The following IER3IP1 variants were observed in gnomAD, a reference collection of about 807,000 sequenced individuals.
IER3IP1 encodes the protein immediate early response 3-interacting protein 1.
IER3IP1 carries 16 observed loss-of-function variants against 12.2 expected under a neutral mutation model. The ratio of observed to expected loss-of-function variants is 1.31; its 90% confidence interval spans 0.89 to 1.99. The LOEUF is 1.99. Among genes scored for constraint, IER3IP1 ranks in the 30% most tolerant of loss-of-function variants. The pLI is 0.00. For synonymous variants in IER3IP1, 42 were observed against 40.0 expected (o/e 1.05, Z -0.19); for missense variants, 95 against 95.8 (o/e 0.99, Z 0.03).
In IER3IP1 at chr18:47,168,689, G is replaced by T. The variant is rs184373176; in HGVS notation, c.91+7498C>A. On this transcript the variant is annotated intron_variant, in intron 1 of 2. Coordinates refer to ENST00000256433, the MANE Select transcript of IER3IP1 (RefSeq NM_016097.5). ...ATTTTCATTATGATTATGCTGCTAT[G>T]AACATTCTCATACATGTCTTTTGGT... Among the ~76,000 whole-genome samples, 5 of 152,230 alleles carry T rather than the reference G, an allele frequency of 3.3e-5. 1 individual carries two copies. The highest frequency in any genetic ancestry group is 1.2e-4 in the African/African-American group (5 of 41,530).
At chr18:47,169,093 G>A (rs1466047433) in intron 1 of IER3IP1, among the ~76,000 whole-genome samples, 2 of 152,146 alleles carry the variant, frequency 1.3e-5, no homozygotes, top group East Asian at 3.9e-4. Context: ...AGGCCCTCCA[G>A]CACCAAGCAA....
chr18:47,170,662 T>G (rs557999064), intron 1 of IER3IP1, among the ~76,000 whole-genome samples: 44 of 152,246 alleles, frequency 2.9e-4, no homozygotes, highest in African/African-American at 1.0e-3. Flanking sequence ...GTAAATAAAA[T>G]TATTTCCTTT....
At chr18:47,168,866 T>C (rs1031669385) in intron 1 of IER3IP1, among the ~76,000 whole-genome samples, 3 of 152,216 alleles carry the variant, frequency 2.0e-5, no homozygotes, top group African/African-American at 7.2e-5. Flanking sequence ...CACTGTTCTA[T>C]AACCTTATCA....
chr18:47,174,527 G>C (rs1318264417), intron 1 of IER3IP1, among the ~76,000 whole-genome samples: 2 of 152,104 alleles, frequency 1.3e-5, no homozygotes, highest in East Asian at 3.9e-4. Flanking sequence ...AAATTAGCCA[G>C]GCTTGGTGGT....
intron 1 of IER3IP1, 126 bp downstream of exon 1, chr18:47,176,061 C>T: frequency 1.2e-6 from 1 of 820,068 alleles, no homozygotes; most frequent in Non-Finnish European, 2.0e-6. Flanking sequence ...TCGGCTTCCA[C>T]TCCAAGCCGA....
At position 47,158,674 on chromosome 18, in the gene IER3IP1, T is replaced by C. The variant is rs952138506; in HGVS notation, c.92-1137A>G. On this transcript the variant is annotated intron_variant, in intron 1 of 2. Transcript: ENST00000256433. ...AAAGGGGAGTTATCTTTTAAAGAAT[T>C]TGGGGGCTGGGCATGGTGACTCACG... Among the ~76,000 whole-genome samples, 8 of 151,624 alleles carry C rather than the reference T, an allele frequency of 5.3e-5. No individual in the cohort carries two copies. In the South Asian group the frequency reaches 1.7e-3, roughly 32 times the overall value.
At chr18:47,173,520 T>G (rs2064021786) in intron 1 of IER3IP1, among the ~76,000 whole-genome samples, 1 of 152,262 alleles carries the variant, frequency 6.6e-6, no homozygotes, top group African/African-American at 2.4e-5. Context: ...AATTTCTGTA[T>G]TTTTAGTAGA....
At chr18:47,159,912 T>G (rs138915122) in intron 1 of IER3IP1, among the ~76,000 whole-genome samples, 1 of 152,162 alleles carries the variant, frequency 6.6e-6, no homozygotes, top group Admixed American at 6.5e-5. Flanking sequence ...GTTCCCATCC[T>G]TGGCCGGGCG....
chr18:47,164,546 C>T (rs72907298), intron 1 of IER3IP1, among the ~76,000 whole-genome samples: 1,810 of 151,440 alleles, frequency 0.012, 21 homozygotes, highest in Non-Finnish European at 0.019. Flanking sequence ...GTGGTTCACA[C>T]CTACAATTCC....
chr18:47,167,548 A>G (rs2064000033), intron 1 of IER3IP1, among the ~76,000 whole-genome samples: 1 of 152,326 alleles, frequency 6.6e-6, no homozygotes, highest in South Asian at 2.1e-4. Flanking sequence ...TATTGGAACA[A>G]TGGCTTTAAA....
At chr18:47,165,987 C>T (rs545792766) in intron 1 of IER3IP1, among the ~76,000 whole-genome samples, 1 of 152,214 alleles carries the variant, frequency 6.6e-6, no homozygotes, top group Non-Finnish European at 1.5e-5. Flanking sequence ...GTGTTCATAA[C>T]ATATACCTAG....
intron 1 of IER3IP1, among the ~76,000 whole-genome samples, chr18:47,160,282 G>A (rs1048527969): frequency 6.6e-6 from 1 of 151,930 alleles, no homozygotes; most frequent in African/African-American, 2.4e-5. Flanking sequence ...CACTTATATA[G>A]AGACCACAAA....
intron 1 of IER3IP1, among the ~76,000 whole-genome samples, chr18:47,161,362 C>T (rs1052586169): frequency 3.3e-5 from 5 of 152,184 alleles, no homozygotes; most frequent in Admixed American, 3.3e-4. Flanking sequence ...ATAGCGCTTC[C>T]AGTCCACAGG....
intron 1 of IER3IP1, among the ~76,000 whole-genome samples, chr18:47,169,578 TTTAG>T (rs1232684989): frequency 2.0e-5 from 3 of 151,916 alleles, no homozygotes; most frequent in African/African-American, 7.2e-5. Context: ...CTTGTTATTA[TTTAG>T]TGTTTTTAAC....
rs143736275 is a variant in IER3IP1, at chr18:47,161,938, A to G, written c.92-4401T>C. Among the ~76,000 whole-genome samples the G allele has an allele frequency of 7.4e-4, 112 of 152,016 alleles. 1 individual carries two copies. The highest frequency in any genetic ancestry group is 3.6e-3 in the South Asian group (17 of 4,788). On this transcript the variant is annotated intron_variant, in intron 1 of 2. Transcript: ENST00000256433. Reference sequence around the variant, plus strand: ...GATTCTTACAAGGAGTACACAACCTAGATCCCTAGCATGCACAGTTCACAA... The same window carrying G: ...GATTCTTACAAGGAGTACACAACCTGGATCCCTAGCATGCACAGTTCACAA...
chr18:47,168,934 G>A (rs772303558), intron 1 of IER3IP1, among the ~76,000 whole-genome samples: 2 of 152,132 alleles, frequency 1.3e-5, no homozygotes, highest in Non-Finnish European at 1.5e-5. Flanking sequence ...AGACCCTCCA[G>A]CTTTCTGGAT....
chr18:47,155,965 A>C lies in IER3IP1; in HGVS notation c.*212T>G, dbSNP rs893455661. ...TCAGATATTCCAGTCCTGGAGAGTT[A>C]CTGCCTTTCATGATCTGATCTTTTG... On this transcript the variant is annotated 3_prime_UTR_variant, in exon 3 of 3. Transcript: ENST00000256433. 3 of 526,576 alleles carry C rather than the reference A, an allele frequency of 5.7e-6. No individual in the cohort carries two copies. Among genetic ancestry groups the C allele is most frequent in the Admixed American group, 7.2e-5 (2 of 27,828 alleles). The allele number at this position is 526,576 out of a possible 1,614,324, so 32.6% of individuals were successfully genotyped here. A position where few individuals can be genotyped will look rare whatever the true frequency, so the allele number is the denominator to read the frequency against.
Position 47,158,212 on chromosome 18 carries a change from T to C in IER3IP1, c.92-675A>G, listed in dbSNP as rs1167898006. ...TTCTTTTTCAAAAATTACCATAATA[T>C]AGAGACAGGGTCTCACTTTGCTGCC... On this transcript the variant is annotated intron_variant, in intron 1 of 2. Transcript: ENST00000256433. 5.9e-5 allele frequency among the ~76,000 whole-genome samples: 9 copies of C among 152,318 alleles called. No individual in the cohort carries two copies. In the South Asian group the frequency reaches 1.5e-3, roughly 25 times the overall value.
intron 1 of IER3IP1, among the ~76,000 whole-genome samples, chr18:47,160,078 CCA>C (rs1027570916): frequency 1.3e-5 from 2 of 152,048 alleles, no homozygotes; most frequent in Non-Finnish European, 2.9e-5. Context: ...GCCTGTAATC[CCA>C]GATACTCAGG....
Sources: allele counts gnomAD v4.1 joint callset (sites outside exome capture counted in the v4.1 genomes callset), GRCh38; gene constraint gnomAD v4.1.1; transcripts MANE v1.5; gene names NCBI Gene and HGNC (gene_info 2026-07-23, HGNC 2026-07-21).